CTNNA3: variants seen among roughly 807,000 people sequenced by gnomAD.
CTNNA3 encodes catenin alpha 3.
A neutral mutation model predicts 95.7 loss-of-function variants in CTNNA3; 76 were observed. The observed-to-expected ratio is 0.79, with a 90% CI of 0.66 to 0.96. The LOEUF is 0.96. Ranked by LOEUF, CTNNA3 falls within the 40% of genes least tolerant of loss-of-function variation. CTNNA3 has a pLI of 0.00. For missense variants in CTNNA3, 1,191 were observed against 1,089.8 expected (o/e 1.09, Z -1.31); for synonymous variants, 431 against 374.4 (o/e 1.15, Z -1.74).
chr10:66,342,286 C>G (rs2092462057), intron 12 of CTNNA3, among the ~76,000 whole-genome samples: 1 of 151,774 alleles, frequency 6.6e-6, no homozygotes, highest in Non-Finnish European at 1.5e-5. Flanking sequence ...CCTCAGAGCC[C>G]AACAAAATGC....
chr10:67,685,848 TTC>T (rs1840721038), intron 1 of CTNNA3, among the ~76,000 whole-genome samples: 1 of 152,138 alleles, frequency 6.6e-6, no homozygotes, highest in Non-Finnish European at 1.5e-5. Context: ...TTGTTTGACT[TTC>T]TGTCTCTCTG....
intron 7 of CTNNA3, among the ~76,000 whole-genome samples, chr10:67,019,410 G>T (rs528409866): frequency 2.3e-3 from 349 of 152,088 alleles, no homozygotes; most frequent in African/African-American, 7.8e-3. Flanking sequence ...TAGAGACAGG[G>T]TTTCTCCACA....
intron 9 of CTNNA3, among the ~76,000 whole-genome samples, chr10:66,760,062 T>C (rs1839541826): frequency 6.6e-6 from 1 of 152,192 alleles, no homozygotes; most frequent in Admixed American, 6.6e-5. Context: ...CTATTCTCTC[T>C]CTTTTATGTA....
intron 5 of CTNNA3, among the ~76,000 whole-genome samples, chr10:67,436,706 A>G (rs1654881730): frequency 6.6e-6 from 1 of 152,238 alleles, no homozygotes; most frequent in Non-Finnish European, 1.5e-5. Context: ...CAGATGGCCA[A>G]CAAACATATG....
intron 17 of CTNNA3, among the ~76,000 whole-genome samples, chr10:65,956,982 G>T (rs978066057): frequency 6.6e-6 from 1 of 152,176 alleles, no homozygotes. Context: ...AATGTTGACA[G>T]TGGGGTGTTA....
At chr10:67,217,412 C>A (rs1476057588) in intron 6 of CTNNA3, among the ~76,000 whole-genome samples, 1 of 152,140 alleles carries the variant, frequency 6.6e-6, no homozygotes. Context: ...TGCATCTGTA[C>A]CTTTGACTAG....
intron 7 of CTNNA3, among the ~76,000 whole-genome samples, chr10:67,122,583 C>A (rs1417861631): frequency 6.6e-6 from 1 of 152,042 alleles, no homozygotes; most frequent in African/African-American, 2.4e-5. Context: ...ATGAATCTAT[C>A]TTGTTCATAA....
At position 67,295,013 on chromosome 10, in the gene CTNNA3, C is replaced by T. The variant is rs77338079; in HGVS notation, c.580-75143G>A. 0.019 allele frequency among the ~76,000 whole-genome samples: 2,821 copies of T among 152,150 alleles called. 232 individuals carry two copies. The East Asian group carries it at 0.25, about 13-fold the overall frequency. ...AAATGAGTACTCGTTGAATTAAATG[C>T]CTTCAACAACATCATAATTCACCCC... On this transcript the variant is annotated intron_variant, in intron 5 of 17. Transcript: ENST00000433211.
At chr10:66,053,103 C>A (rs12573209) in intron 15 of CTNNA3, among the ~76,000 whole-genome samples, 7 of 151,994 alleles carry the variant, frequency 4.6e-5, no homozygotes, top group Non-Finnish European at 1.0e-4. Context: ...ATCCATTGAA[C>A]TATCTTACTG....
chr10:67,533,938 A>C (rs1840413279), intron 4 of CTNNA3, among the ~76,000 whole-genome samples: 2 of 152,300 alleles, frequency 1.3e-5, no homozygotes, highest in Middle Eastern at 6.8e-3. Context: ...AAAAGTCATA[A>C]GAAGGAAAAT....
rs561407366 is a variant in CTNNA3, at chr10:66,243,582, G to A, written c.1884+36888C>T. 1.6e-4 allele frequency among the ~76,000 whole-genome samples: 24 copies of A among 152,228 alleles called. No individual in the cohort carries two copies. The East Asian group carries it at 4.5e-3, about 28-fold the overall frequency. Reference sequence around the variant, plus strand: ...TATGATCTGGAAGCCCCGGCTTTGAGTTGTCCTGCCTCTCAGGACCAAACC... The same window carrying A: ...TATGATCTGGAAGCCCCGGCTTTGAATTGTCCTGCCTCTCAGGACCAAACC... On this transcript the variant is annotated intron_variant, in intron 13 of 17. Transcript: ENST00000433211.
intron 10 of CTNNA3, among the ~76,000 whole-genome samples, chr10:66,532,686 T>C (rs529245413): frequency 6.6e-6 from 1 of 152,282 alleles, no homozygotes; most frequent in African/African-American, 2.4e-5. Context: ...TATTTCACTT[T>C]AAGTGTTCTA....
chr10:67,166,928 A>G (rs368055318), intron 7 of CTNNA3, among the ~76,000 whole-genome samples: 3 of 151,988 alleles, frequency 2.0e-5, no homozygotes, highest in Admixed American at 6.6e-5. Context: ...CCAACATGGC[A>G]AAACCCTGTC....
intron 1 of CTNNA3, among the ~76,000 whole-genome samples, chr10:67,702,073 T>C (rs1003673681): frequency 1.3e-5 from 2 of 152,086 alleles, no homozygotes; most frequent in Non-Finnish European, 2.9e-5. Context: ...CAAGAAGAGC[T>C]AACTATCCTA....
At chr10:67,197,274 G>A (rs958454535) in intron 6 of CTNNA3, among the ~76,000 whole-genome samples, 5 of 151,912 alleles carry the variant, frequency 3.3e-5, no homozygotes, top group Non-Finnish European at 7.4e-5. Flanking sequence ...ACAATTCATC[G>A]ACAAAGAAGA....
At chr10:67,656,861 G>T (rs12780959) in intron 1 of CTNNA3, among the ~76,000 whole-genome samples, 1,892 of 152,260 alleles carry the variant, frequency 0.012, 27 homozygotes, top group Non-Finnish European at 0.017. Context: ...AAGTCAGAAA[G>T]GTATGGAGGC....
intron 7 of CTNNA3, among the ~76,000 whole-genome samples, chr10:67,088,692 G>A (rs1009517680): frequency 2.6e-5 from 4 of 151,924 alleles, no homozygotes; most frequent in Non-Finnish European, 5.9e-5. Context: ...TAACTTTGCA[G>A]GATTTCACTA....
chr10:67,060,667 T>A (rs1855705905), intron 7 of CTNNA3, among the ~76,000 whole-genome samples: 1 of 143,344 alleles, frequency 7.0e-6, no homozygotes, highest in Admixed American at 6.9e-5. Flanking sequence ...TGGGTTCCTG[T>A]CTCTCTCTCT....
intron 7 of CTNNA3, among the ~76,000 whole-genome samples, chr10:66,806,487 A>C (rs1016293764): frequency 1.3e-5 from 2 of 152,052 alleles, no homozygotes; most frequent in African/African-American, 4.8e-5. Flanking sequence ...CATATTGTAG[A>C]AAGATTTCTC....
Sources: gnomAD v4.1 joint callset for allele counts (sites outside exome capture counted in the v4.1 genomes callset) on GRCh38, gnomAD v4.1.1 for gene constraint, MANE v1.5 for transcripts, NCBI Gene and HGNC (gene_info 2026-07-23, HGNC 2026-07-21) for gene names.